Variants in TCF7L1 observed in about 807,000 individuals in gnomAD.
TCF7L1 encodes transcription factor 7 like 1, also known as transcription factor 7-like 1.
Under a neutral mutation model 63.7 loss-of-function variants are expected in TCF7L1, and 18 were observed. That is an observed-to-expected ratio of 0.28 (90% CI 0.20 to 0.42). The LOEUF (loss-of-function observed/expected upper bound fraction) is 0.42, where lower values mean the gene tolerates loss of function less well. TCF7L1 is among the 10% of genes least tolerant of loss of function. The pLI, the probability that TCF7L1 is intolerant of heterozygous loss-of-function variation, is 1.00. For missense variants in TCF7L1, 654 were observed against 779.3 expected (o/e 0.84, Z 1.91); for synonymous variants, 355 against 340.9 (o/e 1.04, Z -0.46).
chr2:85,144,751 A>G (rs6547594), intron 3 of TCF7L1, among the ~76,000 whole-genome samples: 91,093 of 140,598 alleles, frequency 0.65, 28,346 homozygotes, highest in East Asian at 0.88. Flanking sequence ...GTGTGTGTGT[A>G]TGTGTGTGTG....
intron 3 of TCF7L1, among the ~76,000 whole-genome samples, chr2:85,165,215 G>A (rs911989586): frequency 3.9e-5 from 6 of 152,198 alleles, no homozygotes; most frequent in Admixed American, 1.3e-4. Flanking sequence ...CTTGACCATC[G>A]CTTGATTTAT....
At chr2:85,224,367 G>A (rs1425598653) in intron 3 of TCF7L1, among the ~76,000 whole-genome samples, 1 of 152,174 alleles carries the variant, frequency 6.6e-6, no homozygotes, top group Non-Finnish European at 1.5e-5. Flanking sequence ...TTGCCATACT[G>A]TCTTCCACAA....
At chr2:85,162,544 A>G (rs1194096244) in intron 3 of TCF7L1, among the ~76,000 whole-genome samples, 2 of 152,178 alleles carry the variant, frequency 1.3e-5, no homozygotes, top group African/African-American at 2.4e-5. Flanking sequence ...CTCTATTTTT[A>G]GCCAAACAGA....
intron 3 of TCF7L1, among the ~76,000 whole-genome samples, chr2:85,211,480 C>G (rs762102929): frequency 6.6e-6 from 1 of 152,170 alleles, no homozygotes; most frequent in Admixed American, 6.5e-5. Flanking sequence ...AGTGCTGGCT[C>G]GTAGTGGGAT....
At position 85,218,166 on chromosome 2, in the gene TCF7L1, A is replaced by G. The variant is rs866689184; in HGVS notation, c.442-65329A>G. On this transcript the variant is annotated intron_variant, in intron 3 of 11. Transcript: ENST00000282111. ...ATAAATGCTCCCTTTTCAAAGCACT[A>G]TAATTAACTCTAGGTGTTTTTGATT... 3.9e-5 allele frequency among the ~76,000 whole-genome samples: 6 copies of G among 152,108 alleles called. No individual in the cohort carries two copies. In the East Asian group the frequency reaches 7.7e-4, roughly 19 times the overall value.
chr2:85,269,662 G>A (rs993254981), intron 3 of TCF7L1, among the ~76,000 whole-genome samples: 3 of 152,286 alleles, frequency 2.0e-5, no homozygotes, highest in East Asian at 1.9e-4. Flanking sequence ...TTTTAAGGCC[G>A]ATTAATGTAA....
At chr2:85,208,273 G>A (rs1679461168) in intron 3 of TCF7L1, among the ~76,000 whole-genome samples, 1 of 152,158 alleles carries the variant, frequency 6.6e-6, no homozygotes, top group Admixed American at 6.5e-5. Context: ...TAACCCCGTT[G>A]TAAGTGGAGG....
intron 3 of TCF7L1, among the ~76,000 whole-genome samples, chr2:85,225,889 T>C (rs930742951): frequency 1.3e-5 from 2 of 152,380 alleles, no homozygotes; most frequent in Admixed American, 6.5e-5. Flanking sequence ...TTTTTGCTCA[T>C]TCAGTATGAT....
chr2:85,274,769 C>T (rs1681233519), intron 3 of TCF7L1, among the ~76,000 whole-genome samples: 1 of 152,234 alleles, frequency 6.6e-6, no homozygotes, highest in East Asian at 1.9e-4. Context: ...TACCAACACA[C>T]CACCGAACCA....
chr2:85,137,104 A>G (rs1677613373), intron 3 of TCF7L1, among the ~76,000 whole-genome samples: 1 of 152,214 alleles, frequency 6.6e-6, no homozygotes, highest in Admixed American at 6.6e-5. Context: ...TAGAGGTAGT[A>G]TAAAATTAGG....
intron 3 of TCF7L1, among the ~76,000 whole-genome samples, chr2:85,240,799 G>T (rs1249501434): frequency 1.3e-5 from 2 of 148,378 alleles, no homozygotes; most frequent in East Asian, 3.9e-4. Flanking sequence ...AAAAAAATCA[G>T]TTGCCTGAAA....
chr2:85,247,999 C>T (rs993544245), intron 3 of TCF7L1, among the ~76,000 whole-genome samples: 7 of 152,036 alleles, frequency 4.6e-5, no homozygotes, highest in Admixed American at 2.0e-4. Flanking sequence ...TCCTTGTGGC[C>T]GGTAGTGTTC....
rs112758067 is a variant in TCF7L1 at position 85,147,972 on chromosome 2, C to T, written c.441+13522C>T. Among the ~76,000 whole-genome samples, 43 of 152,178 alleles carry T rather than the reference C, an allele frequency of 2.8e-4. 2 individuals are homozygous for T. Among genetic ancestry groups the T allele is most frequent in the African/African-American group, 1.0e-3 (42 of 41,528 alleles). On this transcript the variant is annotated intron_variant, in intron 3 of 11. Transcript: ENST00000282111. Reference sequence around the variant, plus strand: ...TTTTACTTATTAATTATGTTATTGACTTAAACTATGTTCTGGGTGGGATGC... The same window carrying T: ...TTTTACTTATTAATTATGTTATTGATTTAAACTATGTTCTGGGTGGGATGC...
chr2:85,151,749 A>G (rs1678021324), intron 3 of TCF7L1, among the ~76,000 whole-genome samples: 1 of 152,174 alleles, frequency 6.6e-6, no homozygotes, highest in Non-Finnish European at 1.5e-5. Context: ...GCATTTGCAT[A>G]TTGTTTAGGG....
Position 85,309,032 on chromosome 2 carries a change from C to A in TCF7L1, c.1337C>A (p.Ala446Asp). 1 of 1,589,720 alleles carries A rather than the reference C, an allele frequency of 6.3e-7. No homozygotes were observed. Among genetic ancestry groups the A allele is most frequent in the Non-Finnish European group, 8.6e-7 (1 of 1,166,706 alleles). Residue 446 changes from alanine to aspartate, a missense_variant, in exon 12 of 12, where the codon GCC (alanine) becomes GAC (aspartate). Ala to Asp is a moderately radical substitution (Grantham distance 126). Around this residue, in one of 3 missense-constraint regions of TCF7L1, gnomAD observed 184 missense variants for 204.0 expected, o/e 0.90. Coordinates refer to ENST00000282111, the MANE Select transcript of TCF7L1 (RefSeq NM_031283.3). ...SQQQVQEAEG[A>D]LASKSKKPCV... ...CTTTCTTGTATTTTCCCCCTAGGTG[C>A]CCTGGCCTCCAAGAGCAAGAAGCCA...
intron 3 of TCF7L1, among the ~76,000 whole-genome samples, chr2:85,178,805 G>T (rs2104246997): frequency 6.6e-6 from 1 of 152,276 alleles, no homozygotes; most frequent in African/African-American, 2.4e-5. Context: ...AGGCGGCAGG[G>T]CTGTGATTTT....
intron 3 of TCF7L1, among the ~76,000 whole-genome samples, chr2:85,259,583 A>ACCC (rs1680811853): frequency 6.6e-6 from 1 of 152,200 alleles, no homozygotes; most frequent in South Asian, 2.1e-4. Flanking sequence ...ACTATTGAAG[A>ACCC]TTGTGTGTCT....
intron 3 of TCF7L1, among the ~76,000 whole-genome samples, chr2:85,149,866 G>A (rs939585829): frequency 6.6e-6 from 1 of 152,276 alleles, no homozygotes; most frequent in South Asian, 2.1e-4. Context: ...AGTTGCAGGC[G>A]TAATGTCCCT....
intron 4 of TCF7L1, among the ~76,000 whole-genome samples, chr2:85,285,370 G>A (rs72840044): frequency 0.011 from 1,632 of 152,348 alleles, 16 homozygotes; most frequent in Middle Eastern, 0.017. Context: ...ACCTGCTCCT[G>A]TGGAGCCCTT....
Sources: allele counts gnomAD v4.1 joint callset (sites outside exome capture counted in the v4.1 genomes callset), GRCh38; gene constraint gnomAD v4.1.1; regional missense constraint gnomAD v4.1.1; transcripts MANE v1.5; gene names NCBI Gene and HGNC (gene_info 2026-07-23, HGNC 2026-07-21).